The following ANTXR2 variants were observed in gnomAD, a reference collection of about 807,000 sequenced individuals.
ANTXR2 encodes ANTXR cell adhesion molecule 2.
Under a neutral mutation model 73.7 loss-of-function variants are expected in ANTXR2, and 44 were observed. The observed-to-expected ratio is 0.60, with a 90% CI of 0.47 to 0.77. The LOEUF is 0.77. ANTXR2 is among the 30% of genes least tolerant of loss of function. ANTXR2 has a pLI of 0.00. For missense variants in ANTXR2, 604 were observed against 592.5 expected, an observed-to-expected ratio of 1.02 and a Z score of -0.20; for synonymous variants, 217 against 205.9, an observed-to-expected ratio of 1.05 and a Z score of -0.46.
intron 16 of ANTXR2, among the ~76,000 whole-genome samples, chr4:79,908,180 C>A (rs1348918845): frequency 6.6e-6 from 1 of 152,060 alleles, no homozygotes; most frequent in African/African-American, 2.4e-5. Context: ...AGATACTTTC[C>A]TTTTCTCTCT....
chr4:80,019,660 C>T (rs1732061770), intron 10 of ANTXR2, among the ~76,000 whole-genome samples: 1 of 151,800 alleles, frequency 6.6e-6, no homozygotes, highest in Admixed American at 6.6e-5. Flanking sequence ...AAGCAATAAA[C>T]CAGTCAAAAA....
At chr4:79,910,212 T>TA (rs1211050529) in intron 16 of ANTXR2, among the ~76,000 whole-genome samples, 1 of 152,078 alleles carries the variant, frequency 6.6e-6, no homozygotes, top group Non-Finnish European at 1.5e-5. Flanking sequence ...AAACTCTCAA[T>TA]AAAAACACAT....
intron 3 of ANTXR2, among the ~76,000 whole-genome samples, chr4:80,065,025 C>G (rs1471757001): frequency 1.3e-5 from 2 of 152,096 alleles, no homozygotes; most frequent in Non-Finnish European, 2.9e-5. Flanking sequence ...GTTTTGATTT[C>G]TTCATTTGTA....
chr4:79,958,015 G>T (rs950833334), intron 16 of ANTXR2, among the ~76,000 whole-genome samples: 2 of 151,820 alleles, frequency 1.3e-5, no homozygotes, highest in Non-Finnish European at 1.5e-5. Flanking sequence ...TTTTCCTATT[G>T]CCTGCAAATT....
At position 80,055,152 on chromosome 4, in the gene ANTXR2, G is replaced by T; in HGVS notation, c.553C>A (p.Gln185Lys). 1 of 1,557,764 alleles carries T rather than the reference G, an allele frequency of 6.4e-7. No homozygotes were observed. Among genetic ancestry groups the T allele is most frequent in the Non-Finnish European group, 8.7e-7 (1 of 1,149,282 alleles). Residue 185 changes from glutamine (Q) to lysine (K), a missense_variant and splice_region_variant, in exon 6 of 17, where the codon CAG becomes AAG. Physicochemically the swap from Gln to Lys is moderately conservative, Grantham distance 53. Coordinates refer to ENST00000403729, the MANE Select transcript of ANTXR2 (RefSeq NM_058172.6). ...TTTGCAGATCTCTTGTAACTTACCT[G>T]TGCTTGTTCAAAATCAAGGACACCA... ...CVGVLDFEQA[Q>K]LERIADSKEQ...
intron 16 of ANTXR2, among the ~76,000 whole-genome samples, chr4:79,922,913 T>C: frequency 6.6e-6 from 1 of 152,114 alleles, no homozygotes; most frequent in East Asian, 1.9e-4. Context: ...TCAAATAATA[T>C]AATTAGACTT....
At chr4:79,987,487 A>C (rs1304354702) in intron 12 of ANTXR2, among the ~76,000 whole-genome samples, 1 of 152,202 alleles carries the variant, frequency 6.6e-6, no homozygotes, top group African/African-American at 2.4e-5. Context: ...TTATGTAAGA[A>C]GATCAAACCT....
At chr4:80,043,460 A>G (rs1733372100) in intron 7 of ANTXR2, among the ~76,000 whole-genome samples, 1 of 151,974 alleles carries the variant, frequency 6.6e-6, no homozygotes, top group Admixed American at 6.6e-5. Context: ...TCCCTTTGCT[A>G]AGTTTTTGGG....
At chr4:79,994,162 A>G (rs1256037918) in intron 12 of ANTXR2, among the ~76,000 whole-genome samples, 1 of 151,794 alleles carries the variant, frequency 6.6e-6, no homozygotes, top group African/African-American at 2.4e-5. Flanking sequence ...ATGACTTAAT[A>G]CTCTACTTGT....
chr4:80,057,795 A>G (rs893738626), intron 3 of ANTXR2, among the ~76,000 whole-genome samples: 5 of 152,068 alleles, frequency 3.3e-5, no homozygotes, highest in African/African-American at 1.2e-4. Flanking sequence ...GAAAGTTTAC[A>G]TTAGGCTATT....
chr4:79,910,096 T>G (rs755244989), intron 16 of ANTXR2, among the ~76,000 whole-genome samples: 5 of 152,222 alleles, frequency 3.3e-5, no homozygotes, highest in Admixed American at 1.3e-4. Context: ...CTCAGTTCTT[T>G]TATCAGTAAA....
At chr4:79,918,155 A>G (rs1560853414) in intron 16 of ANTXR2, among the ~76,000 whole-genome samples, 1 of 152,146 alleles carries the variant, frequency 6.6e-6, no homozygotes, top group Non-Finnish European at 1.5e-5. Flanking sequence ...AGGAGAATAG[A>G]TATTGTTCAA....
chr4:80,051,767 C>G (rs1462819523), intron 7 of ANTXR2, among the ~76,000 whole-genome samples: 1 of 151,574 alleles, frequency 6.6e-6, no homozygotes, highest in Non-Finnish European at 1.5e-5. Flanking sequence ...AAAAGCAGAA[C>G]TACTACAGTG....
chr4:80,032,126 G>A (rs1439179373), intron 9 of ANTXR2, among the ~76,000 whole-genome samples: 1 of 151,562 alleles, frequency 6.6e-6, no homozygotes, highest in East Asian at 1.9e-4. Context: ...ATAAATAAAT[G>A]CATTTTATGA....
At chr4:80,019,723 G>A (rs1021755788) in intron 10 of ANTXR2, among the ~76,000 whole-genome samples, 3 of 152,148 alleles carry the variant, frequency 2.0e-5, no homozygotes, top group African/African-American at 7.2e-5. Context: ...AAGAAAGGGA[G>A]AAAGATTTAT....
chr4:80,067,938 A>G (rs1342006103), intron 3 of ANTXR2, among the ~76,000 whole-genome samples: 1 of 152,238 alleles, frequency 6.6e-6, no homozygotes, highest in Non-Finnish European at 1.5e-5. Flanking sequence ...ACGTTTACCT[A>G]TGTAACAAAC....
intron 10 of ANTXR2, among the ~76,000 whole-genome samples, chr4:80,025,880 A>T (rs777677045): frequency 6.6e-6 from 1 of 152,236 alleles, no homozygotes; most frequent in Non-Finnish European, 1.5e-5. Context: ...ACATTTCAGA[A>T]GGAAAAAGAG....
At chr4:80,007,368 T>C (rs969665456) in intron 12 of ANTXR2, among the ~76,000 whole-genome samples, 1 of 152,164 alleles carries the variant, frequency 6.6e-6, no homozygotes, top group African/African-American at 2.4e-5. Context: ...ATAGTAGGCA[T>C]GATTTGGAAG....
chr4:80,019,740 G>A (rs1732064953), intron 10 of ANTXR2, among the ~76,000 whole-genome samples: 1 of 152,160 alleles, frequency 6.6e-6, no homozygotes, highest in Non-Finnish European at 1.5e-5. Context: ...TTATTTGCAG[G>A]TATTTGTTGC....
Sources: allele counts gnomAD v4.1 joint callset (sites outside exome capture counted in the v4.1 genomes callset), GRCh38; gene constraint gnomAD v4.1.1; transcripts MANE v1.5; gene names NCBI Gene and HGNC (gene_info 2026-07-23, HGNC 2026-07-21).